SMPD3: variants seen among roughly 807,000 people sequenced by gnomAD.
SMPD3 encodes nSMase-2.
A neutral mutation model predicts 55.7 loss-of-function variants in SMPD3; 21 were observed. The ratio of observed to expected loss-of-function variants is 0.38; its 90% CI spans 0.27 to 0.54. The LOEUF (loss-of-function observed/expected upper bound fraction) is 0.54. SMPD3 is among the 20% of genes least tolerant of loss of function. The probability of loss-of-function intolerance (pLI) is 0.80; values close to 1 mark genes in which losing one functional copy is unlikely to be tolerated. For missense variants in SMPD3, 842 were observed against 899.6 expected (o/e 0.94, Z 0.82); for synonymous variants, 457 against 404.3 (o/e 1.13, Z -1.56).
rs1038594104 is a variant in SMPD3, at chr16:68,371,706, C to T, written c.476G>A (p.Arg159His). 20 of 1,584,366 alleles carry T rather than the reference C, an allele frequency of 1.3e-5. No individual in the cohort carries two copies. Among genetic ancestry groups the T allele is most frequent in the Middle Eastern group, 1.7e-4 (1 of 5,928 alleles). The part of the protein sequence containing the change: ...ARAKEIGQRI[R>H]NGAARPQIKI... ...GATCTGGGGCCGGGCGGCCCCATTGCGGATTCTCTGCCCGATCTCCTTGGC... is the reference window on the plus strand; with the variant it reads ...GATCTGGGGCCGGGCGGCCCCATTGTGGATTCTCTGCCCGATCTCCTTGGC... Residue 159 changes from arginine to histidine, a missense_variant, in exon 3 of 9, where the codon CGC becomes CAC. Physicochemically the swap from Arg to His is conservative, Grantham distance 29. Transcript: ENST00000219334.
Position 68,371,123 on chromosome 16 carries a change from G to C in SMPD3, c.1059C>G (p.Phe353Leu). The C allele has an allele frequency of 2.5e-6, 4 of 1,613,998 alleles. No individual in the cohort carries two copies. The highest frequency in any genetic ancestry group is 3.4e-6 in the Non-Finnish European group (4 of 1,180,036). ...EAFDHEVSAFFPANLDFLCLQ... is the reference protein window; with the variant it reads ...EAFDHEVSAFLPANLDFLCLQ... ...GGCACAGGAAGTCCAGGTTGGCGGGGAAGAAGGCGGAGACCTCATGGTCGA... is the reference window on the plus strand; with the variant it reads ...GGCACAGGAAGTCCAGGTTGGCGGGCAAGAAGGCGGAGACCTCATGGTCGA... The change falls in exon 3 of 9, where the codon TTC becomes TTG. Residue 353 changes from phenylalanine to leucine, a missense_variant. Physicochemically the swap from Phe to Leu is conservative, Grantham distance 22. Around this residue, in one of 2 missense-constraint regions of SMPD3, gnomAD observed 649 missense variants for 643.6 expected, o/e 1.01. Coordinates refer to ENST00000219334, the MANE Select transcript of SMPD3 (RefSeq NM_018667.4).
At chr16:68,378,328 C>T (rs1296341306) in intron 2 of SMPD3, among the ~76,000 whole-genome samples, 4 of 152,180 alleles carry the variant, frequency 2.6e-5, no homozygotes, top group African/African-American at 7.2e-5. Flanking sequence ...TAAGTCAACT[C>T]GTGGCTGGGA....
chr16:68,427,360 C>T (rs1365041559), intron 1 of SMPD3, among the ~76,000 whole-genome samples: 1 of 152,198 alleles, frequency 6.6e-6, no homozygotes, highest in Non-Finnish European at 1.5e-5. Flanking sequence ...TATCGTCAAA[C>T]TTGCCAGACG....
intron 1 of SMPD3, among the ~76,000 whole-genome samples, chr16:68,428,676 GAA>G (rs2090456633): frequency 6.6e-6 from 1 of 152,132 alleles, no homozygotes; most frequent in African/African-American, 2.4e-5. Context: ...GTCTGATAAA[GAA>G]AGAGAAAAAG....
chr16:68,387,356 G>A, intron 1 of SMPD3, among the ~76,000 whole-genome samples: 1 of 152,142 alleles, frequency 6.6e-6, no homozygotes, highest in Admixed American at 6.5e-5. Context: ...TAGGCCTTTG[G>A]ACACGATGTC....
chr16:68,394,946 T>C (rs2152006760), intron 1 of SMPD3, among the ~76,000 whole-genome samples: 1 of 152,308 alleles, frequency 6.6e-6, no homozygotes, highest in East Asian at 1.9e-4. Flanking sequence ...TTTTTGTTGG[T>C]GGTGTTGAAT....
rs1355068603 is a variant in SMPD3 at position 68,371,401 on chromosome 16, G to T, written c.781C>A (p.Pro261Thr). The change falls in exon 3 of 9, where the codon CCT becomes ACT. Residue 261 changes from proline (P) to threonine (T), a missense_variant. Coordinates refer to ENST00000219334, the MANE Select transcript of SMPD3 (RefSeq NM_018667.4). The part of the protein sequence containing the change: ...EGGRPPEADD[P>T]VPGGQARNGA... Reference sequence around the variant, plus strand: ...TTCCTGGCCTGGCCCCCAGGCACAGGGTCGTCAGCTTCAGGTGGCCGGCCG... The same window carrying T: ...TTCCTGGCCTGGCCCCCAGGCACAGTGTCGTCAGCTTCAGGTGGCCGGCCG... The T allele has an allele frequency of 1.9e-6, 3 of 1,567,990 alleles. No individual in the cohort carries two copies. Among genetic ancestry groups the T allele is most frequent in the Non-Finnish European group, 2.6e-6 (3 of 1,165,688 alleles).
At position 68,371,912 on chromosome 16, in the gene SMPD3, C is replaced by T. The variant is rs35529134; in HGVS notation, c.270G>A (p.Ser90=). The change falls in exon 3 of 9, where the codon TCG becomes TCA. Residue 90 remains serine (S), a synonymous_variant. Transcript: ENST00000219334. ...GTGAATAGATGTAGGGCCGGCGGGCCGACTGCAGTGGGGACCAGAAGAGAA... is the reference window on the plus strand; with the variant it reads ...GTGAATAGATGTAGGGCCGGCGGGCTGACTGCAGTGGGGACCAGAAGAGAA... ...LGFLFWSPLQ[S]ARRPYIYSRL... 3.7e-5 allele frequency: 59 copies of T among 1,610,734 alleles called. No homozygotes were observed. The highest frequency in any genetic ancestry group is 1.3e-4 in the African/African-American group (10 of 74,914).
chr16:68,393,319 G>T (rs1029907611), intron 1 of SMPD3, among the ~76,000 whole-genome samples: 5 of 152,078 alleles, frequency 3.3e-5, no homozygotes, highest in Non-Finnish European at 7.4e-5. Context: ...CCAGGGAATC[G>T]CTTGAACCCA....
intron 1 of SMPD3, among the ~76,000 whole-genome samples, chr16:68,438,662 T>C (rs1386546362): frequency 2.0e-5 from 3 of 152,200 alleles, no homozygotes; most frequent in African/African-American, 7.2e-5. Context: ...TTCCTACCCC[T>C]GTTCATTTGA....
At chr16:68,401,902 G>A (rs1480941921) in intron 1 of SMPD3, among the ~76,000 whole-genome samples, 1 of 152,028 alleles carries the variant, frequency 6.6e-6, no homozygotes, top group Admixed American at 6.5e-5. Context: ...TCTCCTTCCC[G>A]ACTGCCAGCC....
At chr16:68,405,188 T>C (rs544620432) in intron 1 of SMPD3, among the ~76,000 whole-genome samples, 60 of 152,210 alleles carry the variant, frequency 3.9e-4, no homozygotes, top group African/African-American at 1.3e-3. Flanking sequence ...CTGCTCTGTA[T>C]CTTCCATCCT....
intron 1 of SMPD3, among the ~76,000 whole-genome samples, chr16:68,398,032 G>A (rs2090174525): frequency 7.1e-6 from 1 of 141,588 alleles, no homozygotes; most frequent in African/African-American, 2.8e-5. Flanking sequence ...GGATGTTGGG[G>A]CTTCGTCAGG....
In SMPD3 at chr16:68,372,404, A is replaced by G. The variant is rs1041711511; in HGVS notation, c.-206-17T>C. The G allele has an allele frequency of 6.5e-5, 39 of 604,366 alleles. 2 individuals are homozygous for G. The South Asian group carries it at 7.3e-4, about 11-fold the overall frequency. 37.4% of individuals were successfully genotyped at this position (604,366 alleles called of 1,614,324 possible). A position where few individuals can be genotyped will look rare whatever the true frequency, so the allele number is the denominator to read the frequency against. ...CTGCAGACCCTGCAGAGACAAAAGT[A>G]GGGGGACTGTTTTTAGTGATCTTCA... On this transcript the variant is annotated splice_polypyrimidine_tract_variant and intron_variant, in intron 2 of 8. Transcript: ENST00000219334.
At chr16:68,423,290 T>C (rs2090410612) in intron 1 of SMPD3, among the ~76,000 whole-genome samples, 1 of 152,206 alleles carries the variant, frequency 6.6e-6, no homozygotes, top group Admixed American at 6.5e-5. Flanking sequence ...TACTAGCTGC[T>C]ATGGTTTGAA....
At position 68,361,056 on chromosome 16, in the gene SMPD3, G is replaced by T. The variant is rs1434599885; in HGVS notation, c.*150C>A. ...CAGTGAGGCCCAGAGGCGCAGAGCA[G>T]CGCAGCTTCCAGGTTCCCGGGCACT... On this transcript the variant is annotated 3_prime_UTR_variant, in exon 9 of 9. Coordinates refer to ENST00000219334, the MANE Select transcript of SMPD3 (RefSeq NM_018667.4). 1.4e-6 allele frequency: 1 copy of T among 701,504 alleles called. No individual in the cohort carries two copies. Among genetic ancestry groups the T allele is most frequent in the Non-Finnish European group, 2.4e-6 (1 of 425,134 alleles). 43.5% of individuals were successfully genotyped at this position (701,504 alleles called of 1,614,324 possible). A position where few individuals can be genotyped will look rare whatever the true frequency, so the allele number is the denominator to read the frequency against.
At chr16:68,439,227 C>T (rs1428157313) in intron 1 of SMPD3, among the ~76,000 whole-genome samples, 4 of 152,166 alleles carry the variant, frequency 2.6e-5, no homozygotes, top group African/African-American at 9.7e-5. Context: ...GTTTGGTTGG[C>T]ATCCATAGCT....
chr16:68,361,126 G>T lies in SMPD3; in HGVS notation c.*80C>A. 7.6e-7 allele frequency: 1 copy of T among 1,315,548 alleles called. No homozygotes were observed. The highest frequency in any genetic ancestry group is 2.5e-5 in the East Asian group (1 of 40,382). 81.5% of individuals were successfully genotyped at this position (1,315,548 alleles called of 1,614,324 possible). A position where few individuals can be genotyped will look rare whatever the true frequency, so the allele number is the denominator to read the frequency against. On this transcript the variant is annotated 3_prime_UTR_variant, in exon 9 of 9. Transcript: ENST00000219334. ...TCCCTGCCCTCCTCCCCCAAGCACC[G>T]GGCACTCGATGGAGGGGACATGGCC...
chr16:68,362,145 T>C (rs193223760), intron 7 of SMPD3, among the ~76,000 whole-genome samples: 86 of 152,336 alleles, frequency 5.6e-4, no homozygotes, highest in African/African-American at 2.0e-3. Flanking sequence ...CCCTTGTGAC[T>C]GTTCCCAGGT....
Sources: allele counts gnomAD v4.1 joint callset (sites outside exome capture counted in the v4.1 genomes callset), GRCh38; gene constraint gnomAD v4.1.1; regional missense constraint gnomAD v4.1.1; transcripts MANE v1.5; gene names NCBI Gene and HGNC (gene_info 2026-07-23, HGNC 2026-07-21).